The following CCDC169 variants were observed in gnomAD, a reference collection of about 807,000 sequenced individuals.
CCDC169 encodes the protein coiled-coil domain-containing protein 169.
CCDC169 carries 30 observed loss-of-function variants against 36.0 expected under a neutral mutation model. The ratio of observed to expected loss-of-function variants is 0.83; its 90% CI spans 0.62 to 1.13. The LOEUF is 1.13. CCDC169 is among the 50% of genes most tolerant of loss of function. The pLI is 0.00. For synonymous variants in CCDC169, 85 were observed against 81.5 expected, an observed-to-expected ratio of 1.04 and a Z score of -0.23; for missense variants, 245 against 245.9, an observed-to-expected ratio of 1.00 and a Z score of 0.03.
At chr13:36,264,888 G>A (rs9565993) in intron 4 of CCDC169, among the ~76,000 whole-genome samples, 38,717 of 152,060 alleles carry the variant, frequency 0.25, 5,213 homozygotes, top group East Asian at 0.49. Flanking sequence ...AATGTGGTCT[G>A]TCTTGATGAA....
intron 7 of CCDC169, among the ~76,000 whole-genome samples, chr13:36,237,851 C>A (rs139223892): frequency 2.2e-4 from 34 of 152,248 alleles, no homozygotes; most frequent in African/African-American, 7.5e-4. Flanking sequence ...CATTGTGTTA[C>A]AATTGTCAGA....
chr13:36,248,820 G>T, intron 6 of CCDC169, 138 bp from the exon 7 acceptor site: 1 of 716,244 alleles, frequency 1.4e-6, no homozygotes, highest in Non-Finnish European at 2.3e-6. Flanking sequence ...AGAAAAATGG[G>T]AAATTCTGGC....
At chr13:36,246,015 C>G (rs1187291719) in intron 7 of CCDC169, among the ~76,000 whole-genome samples, 4 of 152,154 alleles carry the variant, frequency 2.6e-5, no homozygotes, top group Non-Finnish European at 4.4e-5. Flanking sequence ...CCATATAAAA[C>G]AGCAAACTGT....
At chr13:36,290,604 G>A (rs940201296) in intron 2 of CCDC169, among the ~76,000 whole-genome samples, 1 of 152,140 alleles carries the variant, frequency 6.6e-6, no homozygotes, top group Non-Finnish European at 1.5e-5. Context: ...CAGACACACA[G>A]ATGCCTAAAC....
intron 4 of CCDC169, among the ~76,000 whole-genome samples, chr13:36,281,968 T>C (rs1026540695): frequency 6.6e-6 from 1 of 152,204 alleles, no homozygotes; most frequent in East Asian, 1.9e-4. Flanking sequence ...TGATATAGTT[T>C]AAAGATAACA....
rs989521118 is a variant in CCDC169, at chr13:36,230,915, T to C, written c.*278A>G. Reference sequence around the variant, plus strand: ...GCAACGTTACTATCAGAGCAGATCATGGGTATATTATTGAAAGCAAGTGTA... The same window carrying C: ...GCAACGTTACTATCAGAGCAGATCACGGGTATATTATTGAAAGCAAGTGTA... On this transcript the variant is annotated 3_prime_UTR_variant, in exon 8 of 8. Transcript: ENST00000239859. 1.8e-6 allele frequency: 2 copies of C among 1,121,856 alleles called. No homozygotes were observed. The highest frequency in any genetic ancestry group is 3.3e-5 in the African/African-American group (2 of 61,176). 69.5% of individuals were successfully genotyped at this position (1,121,856 alleles called of 1,614,324 possible).
intron 4 of CCDC169, among the ~76,000 whole-genome samples, chr13:36,276,759 T>C (rs1876877216): frequency 1.3e-5 from 2 of 152,122 alleles, no homozygotes; most frequent in Non-Finnish European, 2.9e-5. Flanking sequence ...ACTACAGGGA[T>C]ATGGTGGGGC....
chr13:36,255,714 G>T (rs1471398607), intron 4 of CCDC169, among the ~76,000 whole-genome samples: 1 of 149,878 alleles, frequency 6.7e-6, no homozygotes, highest in South Asian at 2.1e-4. Flanking sequence ...GACTTGTCCT[G>T]TGAGTTCTTT....
In CCDC169 at chr13:36,234,682, G is replaced by A. The variant is rs74045271; in HGVS notation, c.546-3390C>T. ...AAGACAGGGAGATGAAATATTTAAA[G>A]TGCTATAAGGAAAAAGACTTTCAAC... On this transcript the variant is annotated intron_variant, in intron 7 of 7. Transcript: ENST00000239859. Among the ~76,000 whole-genome samples the A allele has an allele frequency of 3.9e-3, 592 of 152,166 alleles. 2 individuals carry two copies. The highest frequency in any genetic ancestry group is 0.014 in the African/African-American group (568 of 41,554).
At chr13:36,238,725 G>A (rs9575656) in intron 7 of CCDC169, among the ~76,000 whole-genome samples, 61,575 of 151,848 alleles carry the variant, frequency 0.41, 13,257 homozygotes, top group Non-Finnish European at 0.48. Context: ...GATGACACAA[G>A]TGTCTGAATA....
chr13:36,268,371 T>C (rs765796269), intron 4 of CCDC169, among the ~76,000 whole-genome samples: 28 of 152,194 alleles, frequency 1.8e-4, no homozygotes, highest in Non-Finnish European at 3.4e-4. Context: ...TCCTGAATGA[T>C]ATCTGGGTTA....
chr13:36,280,572 G>C (rs1403072165), intron 4 of CCDC169: 2 of 152,146 alleles, frequency 1.3e-5, no homozygotes, highest in African/African-American at 4.8e-5. Context: ...ATGCGGTAAG[G>C]TTATAATTAT....
At chr13:36,257,700 T>TAA (rs1285171806) in intron 4 of CCDC169, among the ~76,000 whole-genome samples, 1 of 134,468 alleles carries the variant, frequency 7.4e-6, no homozygotes, top group Non-Finnish European at 1.7e-5. Flanking sequence ...AGACTCCAAC[T>TAA]AAAAAAAAAG....
At position 36,234,653 on chromosome 13, in the gene CCDC169, C is replaced by T. The variant is rs182735259; in HGVS notation, c.546-3361G>A. On this transcript the variant is annotated intron_variant, in intron 7 of 7. Coordinates refer to ENST00000239859, the MANE Select transcript of CCDC169 (RefSeq NM_001144981.3). ...GATTTCTCATCAGAAACTATGAAGG[C>T]CTGAAGACAGGGAGATGAAATATTT... Among the ~76,000 whole-genome samples the T allele has an allele frequency of 3.9e-5, 6 of 152,018 alleles. No homozygotes were observed. The East Asian group carries it at 1.2e-3, about 29-fold the overall frequency.
chr13:36,275,330 T>C (rs1423018111), intron 4 of CCDC169, among the ~76,000 whole-genome samples: 2 of 152,110 alleles, frequency 1.3e-5, no homozygotes, highest in Admixed American at 6.5e-5. Flanking sequence ...ACTGCAACAA[T>C]GAAAGAACAC....
intron 6 of CCDC169, among the ~76,000 whole-genome samples, chr13:36,249,868 T>C (rs1020247696): frequency 4.6e-5 from 7 of 152,208 alleles, no homozygotes; most frequent in Admixed American, 1.3e-4. Context: ...TCACACCTGA[T>C]AGATTCTCTT....
intron 4 of CCDC169, chr13:36,267,402 C>T (rs780001225): frequency 6.6e-6 from 1 of 152,064 alleles, no homozygotes; most frequent in Non-Finnish European, 1.5e-5. Flanking sequence ...TTCAGACAAA[C>T]AAATGCTGAG....
At chr13:36,293,085 GAGAGGTGGT>G (rs569553275) in intron 2 of CCDC169, among the ~76,000 whole-genome samples, 536 of 148,904 alleles carry the variant, frequency 3.6e-3, no homozygotes, top group Non-Finnish European at 5.5e-3. Flanking sequence ...TGATTGAGTG[GAGAGGTGGT>G]AGAGGTTTGA....
At chr13:36,251,071 G>A (rs9546880) in intron 6 of CCDC169, among the ~76,000 whole-genome samples, 61,656 of 152,046 alleles carry the variant, frequency 0.41, 13,280 homozygotes, top group Non-Finnish European at 0.48. Flanking sequence ...GTACCTATGT[G>A]TTAAAAAGCA....
Sources: allele counts gnomAD v4.1 joint callset (sites outside exome capture counted in the v4.1 genomes callset), GRCh38; gene constraint gnomAD v4.1.1; transcripts MANE v1.5; gene names NCBI Gene and HGNC (gene_info 2026-07-23, HGNC 2026-07-21).